Variants in ARID1B observed in about 807,000 individuals in gnomAD.
The protein encoded by ARID1B is AT-rich interaction domain 1B.
A neutral mutation model predicts 212.3 loss-of-function variants in ARID1B; 30 were observed. The ratio of observed to expected loss-of-function variants is 0.14; its 90% CI spans 0.11 to 0.19. ARID1B has a LOEUF of 0.19. ARID1B is among the 10% of genes least tolerant of loss of function. The probability of loss-of-function intolerance (pLI) is 1.00; values close to 1 mark genes in which losing one functional copy is unlikely to be tolerated. For missense variants in ARID1B, 2,891 were observed against 3,204.0 expected (o/e 0.90, Z 2.36); for synonymous variants, 1,402 against 1,301.7 (o/e 1.08, Z -1.66).
chr6:157,031,386 C>A (rs1473039536), intron 4 of ARID1B, among the ~76,000 whole-genome samples: 1 of 152,164 alleles, frequency 6.6e-6, no homozygotes, highest in African/African-American at 2.4e-5. Context: ...CCCCTGGACA[C>A]CAATGTAGGC....
chr6:157,037,712 A>G (rs1425206005), intron 4 of ARID1B, among the ~76,000 whole-genome samples: 1 of 152,236 alleles, frequency 6.6e-6, no homozygotes, highest in African/African-American at 2.4e-5. Context: ...ATTTAGACAG[A>G]TGACTTTGGC....
rs1361454053 is a variant in ARID1B, at chr6:157,200,357, C to T, written c.4480-348C>T. Among the ~76,000 whole-genome samples, 1 of 152,090 alleles carries T rather than the reference C, an allele frequency of 6.6e-6. No homozygotes were observed. Among genetic ancestry groups the T allele is most frequent in the Non-Finnish European group, 1.5e-5 (1 of 68,008 alleles). On this transcript the variant is annotated intron_variant, in intron 17 of 19. Coordinates refer to ENST00000636930, the MANE Select transcript of ARID1B (RefSeq NM_001374828.1). The surrounding 1 kb of genome is among the most constrained non-coding windows in gnomAD (Gnocchi z 4.3). ...TTCCTGTGAGAGGGTCCTTCTGCCT[C>T]CTGCTGTGGTCCTAGTGCAGCTCCC...
chr6:157,161,096 A>G (rs1458991628), intron 8 of ARID1B, among the ~76,000 whole-genome samples: 1 of 152,224 alleles, frequency 6.6e-6, no homozygotes, highest in Admixed American at 6.5e-5. Flanking sequence ...ACAAAGCAGT[A>G]GGTATTTCTG....
Position 157,084,754 on chromosome 6 carries a change from G to C in ARID1B, c.2340G>C (p.Gly780=), listed in dbSNP as rs774397054. Residue 780 remains glycine, a synonymous_variant, in exon 5 of 20, where the codon GGG becomes GGC. Transcript: ENST00000636930. ...CATCCGGGTCCACGAGCAGCCAAGG[G>C]GATCAGAGCAACCCGGCGCAGTCGC... The part of the protein sequence containing the change: ...VSASGSTSSQ[G]DQSNPAQSPF... 4 of 1,613,990 alleles carry C rather than the reference G, an allele frequency of 2.5e-6. No homozygotes were observed. In the African/African-American group the frequency reaches 4.0e-5, roughly 16 times the overall value.
intron 2 of ARID1B, among the ~76,000 whole-genome samples, chr6:156,879,765 CAT>C (rs1786889522): frequency 6.6e-6 from 1 of 152,174 alleles, no homozygotes; most frequent in Non-Finnish European, 1.5e-5. Flanking sequence ...AAGATATAAA[CAT>C]ATGACACATG....
Position 157,201,110 on chromosome 6 carries a change from A to T in ARID1B, c.4885A>T (p.Ile1629Leu). 1 of 1,614,178 alleles carries T rather than the reference A, an allele frequency of 6.2e-7. No individual in the cohort carries two copies. Among genetic ancestry groups the T allele is most frequent in the Non-Finnish European group, 8.5e-7 (1 of 1,180,032 alleles). Residue 1629 changes from isoleucine (I) to leucine (L), a missense_variant, in exon 18 of 20, where the codon ATA (isoleucine) becomes TTA (leucine). This residue lies in a region of ARID1B where 666 missense variants were observed against 873.5 expected (regional missense o/e 0.76). Coordinates refer to ENST00000636930, the MANE Select transcript of ARID1B (RefSeq NM_001374828.1). This position sits in a 1 kb window ranked among gnomAD's most constrained non-coding sequence, Gnocchi z 5.2. ...TDDMMVPDQR[I>L]NHESQWPSHV... Reference sequence around the variant, plus strand: ...CGATATGATGGTACCCGATCAGAGGATAAATCATGAGAGCCAGTGGCCTTC... The same window carrying T: ...CGATATGATGGTACCCGATCAGAGGTTAAATCATGAGAGCCAGTGGCCTTC...
At chr6:156,925,240 C>T (rs760193190) in intron 3 of ARID1B, among the ~76,000 whole-genome samples, 12 of 152,198 alleles carry the variant, frequency 7.9e-5, no homozygotes, top group Admixed American at 1.3e-4. Flanking sequence ...GCCATGGTGA[C>T]ATTCTGTGAA....
intron 14 of ARID1B, 121 bp from the exon 15 acceptor site, chr6:157,189,917 T>C (rs768173199): frequency 6.4e-7 from 1 of 1,572,874 alleles, no homozygotes; most frequent in African/African-American, 1.4e-5. Context: ...GTTTTCTTCA[T>C]GTCATTTATC....
chr6:157,167,884 A>T (rs1201364252), intron 9 of ARID1B: 1 of 152,246 alleles, frequency 6.6e-6, no homozygotes, highest in Non-Finnish European at 1.5e-5. Context: ...AGGTTCCGTA[A>T]CTACCTAAAG....
In ARID1B at chr6:157,092,698, CCT is replaced by C. The variant is rs535140256; in HGVS notation, c.2491+7798_2491+7799del. The stretch of plus-strand genomic sequence containing the variant: ...ATACAAATTCCCACTTGGTTTTGCT[CCT>C]CTCTTAATTAAAAAAAGTTGGGCAA... On this transcript the variant is annotated intron_variant, in intron 5 of 19. Coordinates refer to ENST00000636930, the MANE Select transcript of ARID1B (RefSeq NM_001374828.1). Among the ~76,000 whole-genome samples, 26 of 152,290 alleles carry C rather than the reference CCT, an allele frequency of 1.7e-4. No homozygotes were observed. In the South Asian group the frequency reaches 4.4e-3, roughly 26 times the overall value.
intron 4 of ARID1B, among the ~76,000 whole-genome samples, chr6:156,954,061 A>G (rs1342214989): frequency 2.0e-5 from 3 of 152,156 alleles, no homozygotes; most frequent in Non-Finnish European, 4.4e-5. Flanking sequence ...AACATTTTAT[A>G]GGCTTTTTCA....
chr6:156,794,693 C>G (rs1184094138), intron 1 of ARID1B, among the ~76,000 whole-genome samples: 1 of 151,130 alleles, frequency 6.6e-6, no homozygotes, highest in Non-Finnish European at 1.5e-5. Context: ...TGACTCCCAC[C>G]TCAGCCTCCC....
intron 4 of ARID1B, among the ~76,000 whole-genome samples, chr6:157,073,142 G>A (rs1246114266): frequency 1.5e-5 from 2 of 134,460 alleles, no homozygotes; most frequent in East Asian, 2.2e-4. Flanking sequence ...TCACTCTGTC[G>A]CTCTGGCTGG....
chr6:156,988,000 G>A (rs1391083493), intron 4 of ARID1B, among the ~76,000 whole-genome samples: 8 of 152,280 alleles, frequency 5.3e-5, no homozygotes, highest in Middle Eastern at 3.4e-3. Flanking sequence ...ATGGAATATC[G>A]TGGAAATGGT....
chr6:157,186,729 A>T (rs774770849), intron 13 of ARID1B: 1 of 344,948 alleles, frequency 2.9e-6, no homozygotes. Context: ...ATTATAGTTT[A>T]TTTTTTACCA....
intron 8 of ARID1B, among the ~76,000 whole-genome samples, chr6:157,162,861 C>A (rs1445734251): frequency 6.6e-6 from 1 of 152,140 alleles, no homozygotes; most frequent in South Asian, 2.1e-4. Flanking sequence ...TCTCCTTACC[C>A]CCCTGAGATG....
intron 6 of ARID1B, among the ~76,000 whole-genome samples, chr6:157,128,208 A>G (rs571785989): frequency 9.2e-5 from 14 of 152,192 alleles, no homozygotes; most frequent in Non-Finnish European, 1.9e-4. Flanking sequence ...TTATGGCAAT[A>G]TTCAATAACC....
At chr6:156,960,514 T>C (rs960394208) in intron 4 of ARID1B, among the ~76,000 whole-genome samples, 2 of 152,234 alleles carry the variant, frequency 1.3e-5, no homozygotes, top group African/African-American at 4.8e-5. Context: ...GCCTTAAAAG[T>C]ACTATTTTTC....
Position 157,200,430 on chromosome 6 carries a change from G to A in ARID1B, c.4480-275G>A, listed in dbSNP as rs961754410. Among the ~76,000 whole-genome samples, 7 of 151,974 alleles carry A rather than the reference G, an allele frequency of 4.6e-5. No homozygotes were observed. Among genetic ancestry groups the A allele is most frequent in the East Asian group, 1.9e-4 (1 of 5,184 alleles). ...GTGGGAGTTGAACGCTGGCTGTCCC[G>A]GTGGCACAGCCTAAGGAGAGGAGGC... On this transcript the variant is annotated intron_variant, in intron 17 of 19. Transcript: ENST00000636930. The surrounding 1 kb of genome is among the most constrained non-coding windows in gnomAD (Gnocchi z 4.3).
Sources: gnomAD v4.1 joint callset for allele counts (sites outside exome capture counted in the v4.1 genomes callset) on GRCh38, gnomAD v4.1.1 for gene constraint, gnomAD v4.1.1 regional missense constraint, Gnocchi (gnomAD v3.1) non-coding constraint, MANE v1.5 for transcripts, NCBI Gene and HGNC (gene_info 2026-07-23, HGNC 2026-07-21) for gene names.